Variants in CDH18 observed in about 807,000 individuals in gnomAD.
CDH18 encodes cadherin-18.
Under a neutral mutation model 67.9 loss-of-function variants are expected in CDH18, and 31 were observed. That is an observed-to-expected ratio of 0.46 (90% CI 0.34 to 0.62). The LOEUF is 0.62. Among genes scored for constraint, CDH18 ranks in the 20% least tolerant of loss-of-function variants. The pLI is 0.01. For synonymous variants in CDH18, 362 were observed against 347.2 expected (o/e 1.04, Z -0.48); for missense variants, 890 against 975.5 (o/e 0.91, Z 1.17).
chr5:19,487,663 A>G (rs1439354166), intron 11 of CDH18, among the ~76,000 whole-genome samples: 1 of 152,162 alleles, frequency 6.6e-6, no homozygotes, highest in Non-Finnish European at 1.5e-5. Flanking sequence ...GTATTTTAAT[A>G]TTTAAAAATA....
chr5:19,546,625 G>A (rs1439133373), intron 8 of CDH18, among the ~76,000 whole-genome samples: 1 of 152,158 alleles, frequency 6.6e-6, no homozygotes, highest in Admixed American at 6.6e-5. Context: ...GAGTGTAAGT[G>A]GAATTGCAAT....
In CDH18 at chr5:19,699,628, G is replaced by GTGTGTC. The variant is rs1554007594; in HGVS notation, c.643+21718_643+21719insGACACA. 6.4e-5 allele frequency among the ~76,000 whole-genome samples: 8 copies of GTGTGTC among 124,878 alleles called. No homozygotes were observed. In the East Asian group the frequency reaches 2.3e-3, roughly 36 times the overall value. 81.9% of individuals were successfully genotyped at this position (124,878 alleles called of 152,430 possible). ...TCTTTCTCCATGTGTGTGTGTGTGT[G>GTGTGTC]TGTGTGTGTGTGTCTGTGTGTGTGT... On this transcript the variant is annotated intron_variant, in intron 5 of 12. Coordinates refer to ENST00000382275, the MANE Select transcript of CDH18 (RefSeq NM_004934.5).
intron 2 of CDH18, among the ~76,000 whole-genome samples, chr5:19,844,233 C>T (rs1396747573): frequency 6.6e-6 from 1 of 152,096 alleles, no homozygotes; most frequent in African/African-American, 2.4e-5. Context: ...TGTGTCCTCA[C>T]CCAAATCTCA....
intron 1 of CDH18, among the ~76,000 whole-genome samples, chr5:20,328,843 T>C (rs1580764298): frequency 6.6e-6 from 1 of 152,120 alleles, no homozygotes; most frequent in South Asian, 2.1e-4. Flanking sequence ...GTGTGGCACA[T>C]AGTGCCTTGT....
intron 5 of CDH18, among the ~76,000 whole-genome samples, chr5:19,669,506 G>T (rs536778789): frequency 6.6e-6 from 1 of 151,722 alleles, no homozygotes; most frequent in South Asian, 2.1e-4. Flanking sequence ...GGTCAGATTG[G>T]TCTCAAACTC....
intron 2 of CDH18, among the ~76,000 whole-genome samples, chr5:20,132,970 G>A (rs1013155676): frequency 6.6e-6 from 1 of 152,028 alleles, no homozygotes; most frequent in African/African-American, 2.4e-5. Flanking sequence ...AGATTTAAGA[G>A]AGTTGATGTT....
At chr5:19,931,209 T>C (rs1034730520) in intron 2 of CDH18, among the ~76,000 whole-genome samples, 2 of 151,930 alleles carry the variant, frequency 1.3e-5, no homozygotes, top group Non-Finnish European at 1.5e-5. Flanking sequence ...TTCCTTTTAG[T>C]TCAAATACAA....
At chr5:19,479,913 A>G (rs1739117794) in intron 12 of CDH18, among the ~76,000 whole-genome samples, 1 of 152,162 alleles carries the variant, frequency 6.6e-6, no homozygotes, top group Non-Finnish European at 1.5e-5. Context: ...TCTATTACTT[A>G]CCCCAAATGA....
chr5:20,243,562 T>C (rs1266618639), intron 2 of CDH18, among the ~76,000 whole-genome samples: 1 of 152,142 alleles, frequency 6.6e-6, no homozygotes, highest in African/African-American at 2.4e-5. Flanking sequence ...TGATTCTATG[T>C]TATCATCTAG....
chr5:20,495,563 C>T (rs1366739561), intron 1 of CDH18, among the ~76,000 whole-genome samples: 1 of 152,080 alleles, frequency 6.6e-6, no homozygotes. Flanking sequence ...TTTGAAAGTG[C>T]TCCTCCCAAA....
At chr5:19,699,611 C>CGTGT in intron 5 of CDH18, among the ~76,000 whole-genome samples, 1 of 93,776 alleles carries the variant, frequency 1.1e-5, no homozygotes, top group South Asian at 4.4e-4. Context: ...TCTCTTTCTC[C>CGTGT]ATGTGTGTGT....
At chr5:20,039,274 G>A (rs1394607138) in intron 2 of CDH18, among the ~76,000 whole-genome samples, 2 of 151,976 alleles carry the variant, frequency 1.3e-5, no homozygotes, top group Non-Finnish European at 2.9e-5. Flanking sequence ...ATTGTCCAAA[G>A]TAATTTGTAG....
chr5:20,390,133 C>A (rs959710134), intron 1 of CDH18, among the ~76,000 whole-genome samples: 1 of 152,128 alleles, frequency 6.6e-6, no homozygotes, highest in African/African-American at 2.4e-5. Flanking sequence ...CCAAAACTGA[C>A]AAATGGGATC....
intron 8 of CDH18, among the ~76,000 whole-genome samples, chr5:19,570,914 C>T (rs1440968074): frequency 1.3e-5 from 2 of 152,064 alleles, no homozygotes; most frequent in African/African-American, 4.8e-5. Flanking sequence ...TTTGAGATTC[C>T]ACATGACTGA....
intron 1 of CDH18, among the ~76,000 whole-genome samples, chr5:20,463,576 G>A (rs902217197): frequency 3.3e-5 from 5 of 152,228 alleles, no homozygotes; most frequent in African/African-American, 7.2e-5. Context: ...ATCAGATCTC[G>A]TGAGAACTCA....
intron 2 of CDH18, among the ~76,000 whole-genome samples, chr5:20,086,180 C>T (rs537019947): frequency 1.3e-5 from 2 of 152,268 alleles, no homozygotes; most frequent in South Asian, 2.1e-4. Context: ...TCAAACTAGC[C>T]ACATTACCTT....
intron 2 of CDH18, among the ~76,000 whole-genome samples, chr5:19,946,949 A>T (rs1054819720): frequency 1.7e-4 from 26 of 152,292 alleles, no homozygotes; most frequent in South Asian, 6.2e-4. Context: ...CAAACCATGT[A>T]ATCCACCATA....
intron 2 of CDH18, among the ~76,000 whole-genome samples, chr5:20,214,500 T>C (rs1740605170): frequency 6.6e-6 from 1 of 151,828 alleles, no homozygotes; most frequent in Non-Finnish European, 1.5e-5. Flanking sequence ...CATAGACCAA[T>C]GGAAGAGAAT....
chr5:20,433,504 C>T (rs1748936008), intron 1 of CDH18, among the ~76,000 whole-genome samples: 2 of 151,612 alleles, frequency 1.3e-5, no homozygotes, highest in Admixed American at 6.6e-5. Flanking sequence ...ATGATGAACT[C>T]GATGGTCTGA....
Sources: gnomAD v4.1 joint callset for allele counts (sites outside exome capture counted in the v4.1 genomes callset) on GRCh38, gnomAD v4.1.1 for gene constraint, MANE v1.5 for transcripts, NCBI Gene and HGNC (gene_info 2026-07-23, HGNC 2026-07-21) for gene names.